The following SLC4A9 variants were observed in gnomAD, a reference collection of about 807,000 sequenced individuals.
SLC4A9 encodes solute carrier family 4 member 9, also known as anion exchange protein 4.
SLC4A9 carries 102 observed loss-of-function variants against 103.2 expected under a neutral mutation model. The observed-to-expected ratio is 0.99, with a 90% CI of 0.84 to 1.17. The LOEUF is 1.17. SLC4A9 is among the 50% of genes most tolerant of loss of function. SLC4A9 has a pLI of 0.00. For synonymous variants in SLC4A9, 453 were observed against 483.6 expected (o/e 0.94, Z 0.83); for missense variants, 1,091 against 1,193.7 (o/e 0.91, Z 1.27).
At chr5:140,361,143 C>T (rs1767016355) in intron 2 of SLC4A9, 111 bp from the exon 3 acceptor site, 3 of 1,207,666 alleles carry the variant, frequency 2.5e-6, no homozygotes, top group South Asian at 1.4e-5. Flanking sequence ...GTTCATTGGC[C>T]CTGGCATTCT....
chr5:140,363,949 C>G lies in SLC4A9; in HGVS notation c.1254+47C>G, dbSNP rs772305076. 3 of 1,594,386 alleles carry G rather than the reference C, an allele frequency of 1.9e-6. No homozygotes were observed. The South Asian group carries it at 3.4e-5, about 18-fold the overall frequency. ...GGCACAAGCGTTGGTGTCCCCTAGT[C>G]CATCCCTTCCCCTGGGACTATGGGT... On this transcript the variant is annotated intron_variant, in intron 9 of 21. Transcript: ENST00000506757. The surrounding 1 kb of genome is among the most constrained non-coding windows in gnomAD (Gnocchi z 4.5).
chr5:140,368,887 C>G (rs1373831664), intron 17 of SLC4A9, among the ~76,000 whole-genome samples: 1 of 152,188 alleles, frequency 6.6e-6, no homozygotes, highest in Non-Finnish European at 1.5e-5. Context: ...ATCAAAAGAG[C>G]CAGTTTTTCA....
At chr5:140,365,167 G>A (rs868444548) in intron 11 of SLC4A9, among the ~76,000 whole-genome samples, 1 of 152,250 alleles carries the variant, frequency 6.6e-6, no homozygotes, top group Non-Finnish European at 1.5e-5. Context: ...GGACTGGGAA[G>A]AAGTGGCCTC....
chr5:140,366,043 T>C (rs368971601), intron 13 of SLC4A9, 21 bp downstream of exon 13: 2 of 1,613,360 alleles, frequency 1.2e-6, no homozygotes, highest in African/African-American at 2.7e-5. Flanking sequence ...CCTTTCTTTC[T>C]GTGGGAGAGG....
intron 14 of SLC4A9, among the ~76,000 whole-genome samples, chr5:140,367,215 C>T (rs909202052): frequency 9.2e-5 from 14 of 152,238 alleles, no homozygotes; most frequent in Non-Finnish European, 1.9e-4. Context: ...GCCCCTGGTT[C>T]CAGCCTGACC....
rs1375487809 is a variant in SLC4A9 at position 140,366,019 on chromosome 5, T to C, written c.1896T>C (p.Ser632=). The C allele has an allele frequency of 6.2e-7, 1 of 1,613,964 alleles. No homozygotes were observed. The highest frequency in any genetic ancestry group is 8.5e-7 in the Non-Finnish European group (1 of 1,179,838). Residue 632 remains serine (S), a synonymous_variant, in exon 13 of 22, where the codon TCT becomes TCC. Coordinates refer to ENST00000506757, the MANE Select transcript of SLC4A9 (RefSeq NM_031467.3). ...TAAAGACCAGCCGCTTCTTCCCCTC[T>C]GTGGTGAGTTTCACCTTTCTTTCTG... ...KCVKTSRFFP[S]VVRKGLSDFS... is the part of the protein sequence containing the mutation.
rs754300127 is a variant in SLC4A9, at chr5:140,363,851, T to C, written c.1203T>C (p.Thr401=). The change falls in exon 9 of 22, where the codon ACT becomes ACC. Residue 401 remains threonine, a synonymous_variant. Coordinates refer to ENST00000506757, the MANE Select transcript of SLC4A9 (RefSeq NM_031467.3). This position sits in a 1 kb window ranked among gnomAD's most constrained non-coding sequence, Gnocchi z 4.5. ...AVLYIYLATV[T]NAITFGGLLG... ...TCTACATTTACCTGGCCACTGTCACTAATGCCATCACTTTTGGGGGTCTGC... is the reference window on the plus strand; with the variant it reads ...TCTACATTTACCTGGCCACTGTCACCAATGCCATCACTTTTGGGGGTCTGC... 1.9e-6 allele frequency: 3 copies of C among 1,613,872 alleles called. No individual in the cohort carries two copies. The highest frequency in any genetic ancestry group is 4.5e-5 in the East Asian group (2 of 44,888).
rs777889064 is a variant in SLC4A9, at chr5:140,362,574, A to G, written c.807+42A>G. 3.2e-6 allele frequency: 5 copies of G among 1,577,632 alleles called. No homozygotes were observed. In the South Asian group the frequency reaches 4.4e-5, roughly 14 times the overall value. ...TGTGTGTGTGCGCGCGCACGCGTGC[A>G]TGCCTGTGTGTGTGTGCACACATGC... is the stretch of plus-strand genomic sequence containing the variant. On this transcript the variant is annotated intron_variant, in intron 6 of 21. Coordinates refer to ENST00000506757, the MANE Select transcript of SLC4A9 (RefSeq NM_031467.3).
chr5:140,372,277 G>A lies in SLC4A9; in HGVS notation c.2706G>A (p.Glu902=). 6.3e-7 allele frequency: 1 copy of A among 1,595,668 alleles called. No individual in the cohort carries two copies. Among genetic ancestry groups the A allele is most frequent in the Non-Finnish European group, 8.5e-7 (1 of 1,174,424 alleles). Residue 902 remains glutamate, a synonymous_variant, in exon 20 of 22, where the codon GAG becomes GAA. Coordinates refer to ENST00000506757, the MANE Select transcript of SLC4A9 (RefSeq NM_031467.3). ...TTGTGGGGGTCCGAAAGGCCCTGGA[G>A]AGGGTCTTCTCACCACAGGAACTCC... ...LGLVGVRKAL[E]RVFSPQELLW...
intron 11 of SLC4A9, 90 bp from the exon 12 acceptor site, chr5:140,365,430 T>C (rs1445263537): frequency 2.7e-6 from 3 of 1,119,656 alleles, no homozygotes; most frequent in East Asian, 2.6e-5. Flanking sequence ...GAACTCTGGT[T>C]CACCTGGACC....
At chr5:140,368,472 A>T in intron 16 of SLC4A9, 115 bp from the exon 17 acceptor site, 1 of 756,194 alleles carries the variant, frequency 1.3e-6, no homozygotes, top group Non-Finnish European at 2.1e-6. Flanking sequence ...CTACTGGGGT[A>T]TTCCTCTAGT....
At chr5:140,372,980 G>T in intron 21 of SLC4A9, 137 bp downstream of exon 21, 1 of 516,528 alleles carries the variant, frequency 1.9e-6, no homozygotes, top group Non-Finnish European at 3.3e-6. Context: ...GGGGTGCTGG[G>T]GTGTAGAAGG....
In SLC4A9 at chr5:140,362,172, C is replaced by T; in HGVS notation, c.717C>T (p.Ser239=). The T allele has an allele frequency of 1.3e-6, 2 of 1,531,466 alleles. No individual in the cohort carries two copies. Among genetic ancestry groups the T allele is most frequent in the South Asian group, 2.6e-5 (2 of 77,192 alleles). The allele number at this position is 1,531,466 out of a possible 1,614,324, so 94.9% of individuals were successfully genotyped here. A position where few individuals can be genotyped will look rare whatever the true frequency, so the allele number is the denominator to read the frequency against. ...LGSLTEVSLP[S]RFFCLLLGPC... ...CCCTTACTGAGGTGTCCCTCCCAAG[C>T]AGGTGAGGCTACTGAGTGAGTGGGA... The change falls in exon 5 of 22, where the codon AGC becomes AGT. Residue 239 remains serine, a splice_region_variant and synonymous_variant. Transcript: ENST00000506757.
chr5:140,374,183 C>T (rs545106954), intron 21 of SLC4A9, among the ~76,000 whole-genome samples: 20 of 150,988 alleles, frequency 1.3e-4, no homozygotes, highest in Admixed American at 2.0e-4. Flanking sequence ...AGCGAGACTC[C>T]GTCTCAAAAA....
intron 11 of SLC4A9, among the ~76,000 whole-genome samples, chr5:140,365,095 A>G (rs1025512471): frequency 6.6e-6 from 1 of 152,260 alleles, no homozygotes; most frequent in African/African-American, 2.4e-5. Context: ...GTGGCCGGCC[A>G]GGTGGAGAGA....
At chr5:140,369,910 G>A (rs887227292) in intron 17 of SLC4A9, among the ~76,000 whole-genome samples, 1 of 152,124 alleles carries the variant, frequency 6.6e-6, no homozygotes, top group East Asian at 1.9e-4. Flanking sequence ...GCTAAGGTGG[G>A]AGCATCACTT....
chr5:140,373,969 G>A (rs1168892516), intron 21 of SLC4A9, among the ~76,000 whole-genome samples: 1 of 151,838 alleles, frequency 6.6e-6, no homozygotes, highest in Non-Finnish European at 1.5e-5. Context: ...AGAGGTGGGT[G>A]GATCACTTGA....
Position 140,366,176 on chromosome 5 carries a change from C to T in SLC4A9, c.1925C>T (p.Ser642Phe), listed in dbSNP as rs1209646207. ...GTGCGCAAAGGGCTCAGCGACTTCT[C>T]CTCAGTCCTGGCCATCCTGCTCGGC... ...SVVRKGLSDF[S>F]SVLAILLGCG... The change falls in exon 14 of 22, where the codon TCC becomes TTC. Residue 642 changes from serine to phenylalanine, a missense_variant. Physicochemically the swap from Ser to Phe is radical, Grantham distance 155. Transcript: ENST00000506757. The T allele has an allele frequency of 1.2e-6, 2 of 1,613,208 alleles. No homozygotes were observed. Among genetic ancestry groups the T allele is most frequent in the Non-Finnish European group, 1.7e-6 (2 of 1,179,556 alleles).
chr5:140,367,826 C>T lies in SLC4A9; in HGVS notation c.2282C>T (p.Ala761Val), dbSNP rs1244649406. Residue 761 changes from alanine (A) to valine (V), a missense_variant, in exon 16 of 22, where the codon GCT (alanine) becomes GTT (valine). Physicochemically the swap from Ala to Val is moderately conservative, Grantham distance 64. Coordinates refer to ENST00000506757, the MANE Select transcript of SLC4A9 (RefSeq NM_031467.3). ...WYVSATVISL[A>V]HMDSLRRESR... ...GTCTCAGCCACTGTCATCTCCCTGG[C>T]TCACATGGACAGTCTTCGGAGAGAG... is the stretch of plus-strand genomic sequence containing the variant. 1.9e-6 allele frequency: 3 copies of T among 1,614,010 alleles called. No individual in the cohort carries two copies. The highest frequency in any genetic ancestry group is 2.5e-6 in the Non-Finnish European group (3 of 1,179,902).
Sources: allele counts gnomAD v4.1 joint callset (sites outside exome capture counted in the v4.1 genomes callset), GRCh38; gene constraint gnomAD v4.1.1; non-coding constraint Gnocchi (gnomAD v3.1); transcripts MANE v1.5; gene names NCBI Gene and HGNC (gene_info 2026-07-23, HGNC 2026-07-21).